Variants in ZNF516 observed in about 807,000 individuals in gnomAD.
The protein encoded by ZNF516 is zinc finger protein 516.
Under a neutral mutation model 79.7 loss-of-function variants are expected in ZNF516, and 19 were observed. The observed-to-expected ratio is 0.24, with a 90% CI of 0.17 to 0.35. The LOEUF (loss-of-function observed/expected upper bound fraction) is 0.35. Ranked by LOEUF, ZNF516 falls within the 10% of genes least tolerant of loss-of-function variation. The pLI, the probability that ZNF516 is intolerant of heterozygous loss-of-function variation, is 1.00. For missense variants in ZNF516, 1,678 were observed against 1,679.5 expected (o/e 1.00, Z 0.02); for synonymous variants, 877 against 739.5 (o/e 1.19, Z -3.02).
intron 1 of ZNF516, among the ~76,000 whole-genome samples, chr18:76,484,050 C>G (rs548134501): frequency 6.6e-6 from 1 of 152,348 alleles, no homozygotes; most frequent in East Asian, 1.9e-4. Context: ...GCCCTAAACA[C>G]CTGGTTATTT....
intron 1 of ZNF516, chr18:76,490,650 G>A (rs1288152227): frequency 1.7e-5 from 8 of 481,092 alleles, no homozygotes; most frequent in Non-Finnish European, 1.9e-5. Flanking sequence ...TAGCCCCATG[G>A]TGAACGTACA....
intron 2 of ZNF516, among the ~76,000 whole-genome samples, chr18:76,461,947 C>T (rs200576519): frequency 1.4e-4 from 22 of 152,226 alleles, no homozygotes; most frequent in Non-Finnish European, 3.2e-4. Context: ...GTGGGGAAAC[C>T]GCTCCGCCCT....
chr18:76,440,761 T>TGTGTGTGTGTGTGTGTGTGTGTGTGC (rs571461431), intron 3 of ZNF516, among the ~76,000 whole-genome samples: 2 of 150,144 alleles, frequency 1.3e-5, no homozygotes, highest in Non-Finnish European at 3.0e-5. Context: ...TGTGTGTGTG[T>TGTGTGTGTGTGTGTGTGTGTGTGTGC]GCGCGCACGC....
intron 3 of ZNF516, among the ~76,000 whole-genome samples, chr18:76,408,463 C>T (rs1281879584): frequency 6.6e-6 from 1 of 152,170 alleles, no homozygotes; most frequent in Non-Finnish European, 1.5e-5. Flanking sequence ...AGAAGAAGTG[C>T]ATGGCTCTGG....
At chr18:76,474,375 C>G (rs1224145156) in intron 1 of ZNF516, among the ~76,000 whole-genome samples, 1 of 152,078 alleles carries the variant, frequency 6.6e-6, no homozygotes, top group African/African-American at 2.4e-5. Flanking sequence ...AGTACAGGTC[C>G]CAGGAGCTCC....
intron 3 of ZNF516, among the ~76,000 whole-genome samples, chr18:76,440,422 A>G (rs1449675556): frequency 6.6e-6 from 1 of 152,244 alleles, no homozygotes; most frequent in Non-Finnish European, 1.5e-5. Context: ...AGAAGGGAAA[A>G]ACATCTTTGG....
intron 1 of ZNF516, among the ~76,000 whole-genome samples, chr18:76,489,848 C>T (rs1397506142): frequency 6.6e-6 from 1 of 152,118 alleles, no homozygotes; most frequent in East Asian, 1.9e-4. Context: ...TAAAAATAGG[C>T]ATAACTCCCA....
intron 1 of ZNF516, chr18:76,488,035 CAG>C (rs1223019564): frequency 7.1e-6 from 7 of 985,406 alleles, no homozygotes; most frequent in Non-Finnish European, 8.4e-6. Context: ...GCTGCACAAA[CAG>C]AGGCTTGTCC....
chr18:76,397,365 C>CA lies in ZNF516; in HGVS notation c.1811-17063dup, dbSNP rs201084742. ...ATCATGACACATACAATGTGAACTA[C>CA]AAAAAAAAAGAAAAAAAAATCTGAA... On this transcript the variant is annotated intron_variant, in intron 3 of 6. Transcript: ENST00000443185. Among the ~76,000 whole-genome samples, 1,120 of 147,328 alleles carry CA rather than the reference C, an allele frequency of 7.6e-3. 14 individuals are homozygous for CA. The highest frequency in any genetic ancestry group is 0.025 in the African/African-American group (1,008 of 40,160).
chr18:76,382,116 A>G (rs1439754319), intron 3 of ZNF516, among the ~76,000 whole-genome samples: 4 of 152,028 alleles, frequency 2.6e-5, no homozygotes, highest in Non-Finnish European at 4.4e-5. Context: ...TGGGCAACAG[A>G]GCAAGACTCC....
chr18:76,461,072 CT>C (rs1325222025), intron 2 of ZNF516, among the ~76,000 whole-genome samples: 2 of 152,196 alleles, frequency 1.3e-5, no homozygotes, highest in African/African-American at 2.4e-5. Context: ...ATCCCAGCTA[CT>C]TGGGAGGCTG....
chr18:76,365,786 G>T (rs933441372), intron 6 of ZNF516, among the ~76,000 whole-genome samples: 5 of 152,198 alleles, frequency 3.3e-5, no homozygotes, highest in African/African-American at 1.2e-4. Context: ...GGCTCCTGAG[G>T]CCCAGGGCCC....
At position 76,378,881 on chromosome 18, in the gene ZNF516, A is replaced by G. The variant is rs769026567; in HGVS notation, c.3233T>C (p.Val1078Ala). Residue 1078 changes from valine (V) to alanine (A), a missense_variant, in exon 4 of 7, where the codon GTC becomes GCC. Coordinates refer to ENST00000443185, the MANE Select transcript of ZNF516 (RefSeq NM_014643.4). Reference sequence around the variant, plus strand: ...TCTGTGCTCCAACCCAGGGCCGCTGACACCCCATCCCTGGTAGAGGGTCGC... The same window carrying G: ...TCTGTGCTCCAACCCAGGGCCGCTGGCACCCCATCCCTGGTAGAGGGTCGC... ...DFATLYQGWG[V>A]SGPGLEHRGT... 1.9e-5 allele frequency: 30 copies of G among 1,613,336 alleles called. No homozygotes were observed. In the East Asian group the frequency reaches 6.5e-4, roughly 35 times the overall value.
chr18:76,388,322 A>C (rs2075022136), intron 3 of ZNF516: 1 of 152,258 alleles, frequency 6.6e-6, no homozygotes, highest in South Asian at 2.1e-4. Context: ...CACAGATAGC[A>C]ACTGCTAAAA....
intron 6 of ZNF516, among the ~76,000 whole-genome samples, chr18:76,369,146 T>G (rs1434666336): frequency 6.6e-6 from 1 of 152,192 alleles, no homozygotes; most frequent in Non-Finnish European, 1.5e-5. Flanking sequence ...ACGGTGACTG[T>G]TTGTGGCAAG....
chr18:76,480,496 C>CAG (rs1368331623), intron 1 of ZNF516, among the ~76,000 whole-genome samples: 2 of 68,062 alleles, frequency 2.9e-5, no homozygotes, highest in Non-Finnish European at 5.1e-5. Context: ...TATACACATA[C>CAG]ACACACACAC....
intron 6 of ZNF516, among the ~76,000 whole-genome samples, chr18:76,370,070 G>T (rs1479791194): frequency 6.6e-6 from 1 of 152,220 alleles, no homozygotes; most frequent in Non-Finnish European, 1.5e-5. Flanking sequence ...CTCTGGCCTT[G>T]CCAGTCGTGT....
At chr18:76,488,269 T>C (rs1914948071) in intron 1 of ZNF516, 5 of 984,020 alleles carry the variant, frequency 5.1e-6, no homozygotes, top group Middle Eastern at 5.2e-4. Context: ...GTAATAAAAT[T>C]AGTTCTTCAC....
intron 3 of ZNF516, among the ~76,000 whole-genome samples, chr18:76,389,582 C>T (rs55808390): frequency 0.088 from 13,419 of 152,114 alleles, 1,447 homozygotes; most frequent in African/African-American, 0.26. Context: ...TGTACGGAAA[C>T]GACCCAAAAA....
Sources: allele counts gnomAD v4.1 joint callset (sites outside exome capture counted in the v4.1 genomes callset), GRCh38; gene constraint gnomAD v4.1.1; transcripts MANE v1.5; gene names NCBI Gene and HGNC (gene_info 2026-07-23, HGNC 2026-07-21).